The following ABR variants were observed in gnomAD, a reference collection of about 807,000 sequenced individuals.
The protein encoded by ABR is active breakpoint cluster region-related protein.
ABR carries 35 observed loss-of-function variants against 107.2 expected under a neutral mutation model. The observed-to-expected ratio is 0.33, with a 90% CI of 0.25 to 0.43. The LOEUF is 0.43. ABR is among the 20% of genes least tolerant of loss of function. The probability of loss-of-function intolerance (pLI) is 1.00; values close to 1 mark genes in which losing one functional copy is unlikely to be tolerated. For synonymous variants in ABR, 498 were observed against 462.0 expected, an observed-to-expected ratio of 1.08 and a Z score of -1.00; for missense variants, 815 against 1,115.2, an observed-to-expected ratio of 0.73 and a Z score of 3.83.
At chr17:1,091,582 C>T (rs1040286704) in intron 4 of ABR, 83 bp downstream of exon 4, 8 of 1,485,420 alleles carry the variant, frequency 5.4e-6, no homozygotes, top group African/African-American at 1.4e-5. Context: ...GAGAGGGCTG[C>T]CCGGTCCTCT....
intron 16 of ABR, among the ~76,000 whole-genome samples, chr17:1,014,556 A>T (rs996896564): frequency 6.6e-6 from 1 of 151,802 alleles, no homozygotes; most frequent in African/African-American, 2.4e-5. Flanking sequence ...TTAAGAAAAC[A>T]GGCCAGGCAC....
rs372374682 is a variant in ABR at position 1,146,189 on chromosome 17, C to T, written c.62-20822G>A. Among the ~76,000 whole-genome samples the T allele has an allele frequency of 2.8e-3, 423 of 151,748 alleles. 3 individuals carry two copies. Among genetic ancestry groups the T allele is most frequent in the Admixed American group, 4.7e-3 (72 of 15,226 alleles). On this transcript the variant is annotated intron_variant, in intron 1 of 22. Coordinates refer to ENST00000302538, the MANE Select transcript of ABR (RefSeq NM_021962.5). ...CCAGAGTGGTGCAAAGCTAGGTGTG[C>T]GCGGAGCTGGGGAAGGGCAAAAGCC...
rs57412625 is a variant in ABR, at chr17:1,079,788, C to CAAAAAAAA, written c.640-406_640-399dup. On this transcript the variant is annotated intron_variant, in intron 5 of 22. Transcript: ENST00000302538. ...TGGGCAACAGGGCGAGACTCTGTCT[C>CAAAAAAAA]AAAAAAAAAAAAAAAAAAAAAAAAA... 7.6e-4 allele frequency among the ~76,000 whole-genome samples: 42 copies of CAAAAAAAA among 55,114 alleles called. 1 individual carries two copies. Among genetic ancestry groups the CAAAAAAAA allele is most frequent in the South Asian group, 3.5e-3 (3 of 866 alleles). 36.2% of individuals were successfully genotyped at this position (55,114 alleles called of 152,430 possible). A position where few individuals can be genotyped will look rare whatever the true frequency, so the allele number is the denominator to read the frequency against.
At chr17:1,031,560 AGCCCC>A in intron 16 of ABR, 1 of 123,156 alleles carries the variant, frequency 8.1e-6, no homozygotes, top group Non-Finnish European at 1.1e-5. Flanking sequence ...AGCGCCCCCG[AGCCCC>A]CACCCCCCGG....
At position 1,051,284 on chromosome 17, in the gene ABR, C is replaced by A. The variant is rs1010859088; in HGVS notation, c.1562-650G>T. Among the ~76,000 whole-genome samples, 1 of 152,240 alleles carries A rather than the reference C, an allele frequency of 6.6e-6. No homozygotes were observed. Among genetic ancestry groups the A allele is most frequent in the Non-Finnish European group, 1.5e-5 (1 of 68,038 alleles). Reference sequence around the variant, plus strand: ...TCTCTCTCCCCCCACGACGTAAACACCATGTGGAGAGAAGCCTGGGTTTTC... The same window carrying A: ...TCTCTCTCCCCCCACGACGTAAACAACATGTGGAGAGAAGCCTGGGTTTTC... On this transcript the variant is annotated intron_variant, in intron 14 of 22. Coordinates refer to ENST00000302538, the MANE Select transcript of ABR (RefSeq NM_021962.5). This position sits in a 1 kb window ranked among gnomAD's most constrained non-coding sequence, Gnocchi z 4.3.
intron 16 of ABR, among the ~76,000 whole-genome samples, chr17:1,034,617 G>C (rs1275559078): frequency 6.6e-6 from 1 of 152,130 alleles, no homozygotes; most frequent in Non-Finnish European, 1.5e-5. Context: ...TGTAGGGAAA[G>C]GCCATCCACC....
chr17:1,113,288 T>G (rs1261450293), intron 2 of ABR, among the ~76,000 whole-genome samples: 3 of 140,742 alleles, frequency 2.1e-5, no homozygotes, highest in African/African-American at 7.9e-5. Flanking sequence ...ATTTTTTTTT[T>G]TTTTTTTTTT....
chr17:1,125,450 G>C, intron 1 of ABR, 83 bp from the exon 2 acceptor site: 1 of 1,511,688 alleles, frequency 6.6e-7, no homozygotes, highest in Non-Finnish European at 9.1e-7. Context: ...GCCGGCGGCG[G>C]CCCCCGGCAG....
At chr17:1,100,577 A>G (rs2037795864) in intron 3 of ABR, 60 bp downstream of exon 3, 2 of 1,513,964 alleles carry the variant, frequency 1.3e-6, no homozygotes, top group Non-Finnish European at 1.8e-6. Context: ...GCTTCAGAGC[A>G]TGACATCACC....
At chr17:1,106,410 T>C (rs2038248830) in intron 2 of ABR, among the ~76,000 whole-genome samples, 2 of 132,294 alleles carry the variant, frequency 1.5e-5, no homozygotes, top group Non-Finnish European at 3.2e-5. Context: ...CATCCAGAAA[T>C]GACCCTTGGC....
In ABR at chr17:1,199,410, G is replaced by T. The variant is rs139602764; in HGVS notation, c.838+29383C>A. ...AGGCTGTTGGGGTTTTTGTTTTCTGGTTTTTTTGAAACAGGATCTTGCTCT... is the reference window on the plus strand; with the variant it reads ...AGGCTGTTGGGGTTTTTGTTTTCTGTTTTTTTTGAAACAGGATCTTGCTCT... On this transcript the variant is annotated intron_variant, in intron 1 of 22. Coordinates refer to the ABR transcript ENST00000574139. Among the ~76,000 whole-genome samples, 73 of 151,080 alleles carry T rather than the reference G, an allele frequency of 4.8e-4. 3 individuals carry two copies. Among genetic ancestry groups the T allele is most frequent in the African/African-American group, 1.7e-3 (68 of 40,662 alleles).
In ABR at chr17:1,153,411, TGGGGGTCC is replaced by T. The variant is rs1597990777; in HGVS notation, c.61+26248_61+26255del. Among the ~76,000 whole-genome samples, 74 of 148,560 alleles carry T rather than the reference TGGGGGTCC, an allele frequency of 5.0e-4. No individual in the cohort carries two copies. The East Asian group carries it at 0.013, about 27-fold the overall frequency. The stretch of plus-strand genomic sequence containing the variant: ...GATCCAGGCACACCTGCGGGAGGGC[TGGGGGTCC>T]AGGCACACCTGCGGGAGGGCTGGGG... On this transcript the variant is annotated intron_variant, in intron 1 of 22. Coordinates refer to ENST00000302538, the MANE Select transcript of ABR (RefSeq NM_021962.5).
rs1567560360 is a variant in ABR at position 1,010,543 on chromosome 17, A to G, written c.2236+186T>C. Reference sequence around the variant, plus strand: ...GCAAGAGGCAGGCGAGAAAGGGCCCAGTGTCTGCACCAGGTCCCAGCAGGC... The same window carrying G: ...GCAAGAGGCAGGCGAGAAAGGGCCCGGTGTCTGCACCAGGTCCCAGCAGGC... On this transcript the variant is annotated intron_variant, in intron 20 of 22. Coordinates refer to ENST00000302538, the MANE Select transcript of ABR (RefSeq NM_021962.5). This position sits in a 1 kb window ranked among gnomAD's most constrained non-coding sequence, Gnocchi z 4.1. The G allele has an allele frequency of 1.4e-5, 10 of 714,482 alleles. No homozygotes were observed. Among genetic ancestry groups the G allele is most frequent in the Non-Finnish European group, 2.0e-5 (9 of 443,146 alleles). The allele number at this position is 714,482 out of a possible 1,614,324, so 44.3% of individuals were successfully genotyped here. A position where few individuals can be genotyped will look rare whatever the true frequency, so the allele number is the denominator to read the frequency against.
At chr17:1,217,779 C>G (rs1280128269) in intron 1 of ABR, among the ~76,000 whole-genome samples, 1 of 152,198 alleles carries the variant, frequency 6.6e-6, no homozygotes, top group Non-Finnish European at 1.5e-5. Flanking sequence ...ACTGCAACCT[C>G]CACCTCCCAG....
chr17:1,066,592 G>A (rs990400379), intron 10 of ABR, among the ~76,000 whole-genome samples: 13 of 151,472 alleles, frequency 8.6e-5, no homozygotes, highest in African/African-American at 3.2e-4. Flanking sequence ...GCATTGGCAT[G>A]TTCTTGGCTC....
At chr17:1,222,691 C>T (rs1225879050) in intron 1 of ABR, among the ~76,000 whole-genome samples, 1 of 152,146 alleles carries the variant, frequency 6.6e-6, no homozygotes, top group Non-Finnish European at 1.5e-5. Context: ...GAGCGAGGAT[C>T]ACTTGAGCCC....
intron 2 of ABR, among the ~76,000 whole-genome samples, chr17:1,106,190 G>GT (rs569213048): frequency 6.6e-6 from 1 of 151,830 alleles, no homozygotes; most frequent in African/African-American, 2.4e-5. Flanking sequence ...CTTTACCTCT[G>GT]CCCCCCAGGA....
rs1416563541 is a variant in ABR, at chr17:1,113,277, G to GGTTTTTTTTT, written c.246+11905_246+11906insAAAAAAAAAC. On this transcript the variant is annotated intron_variant, in intron 2 of 22. Transcript: ENST00000302538. ...GGGATAACATGGAAACACCTATTGCGATTTTTTTTTTTTTTTTTTTTTTTT... is the reference window on the plus strand; with the variant it reads ...GGGATAACATGGAAACACCTATTGCGGTTTTTTTTTATTTTTTTTTTTTTTTTTTTTTTTT... 7.9e-5 allele frequency among the ~76,000 whole-genome samples: 7 copies of GGTTTTTTTTT among 88,172 alleles called. 1 individual carries two copies. The highest frequency in any genetic ancestry group is 5.1e-5 in the African/African-American group (1 of 19,730). The allele number at this position is 88,172 out of a possible 152,430, so 57.8% of individuals were successfully genotyped here. A position where few individuals can be genotyped will look rare whatever the true frequency, so the allele number is the denominator to read the frequency against.
chr17:1,088,936 T>C (rs1242186557), intron 4 of ABR, among the ~76,000 whole-genome samples: 1 of 128,474 alleles, frequency 7.8e-6, no homozygotes, highest in Non-Finnish European at 1.6e-5. Context: ...CAGTCTGTCA[T>C]CCAGGCTGGA....
Sources: allele counts gnomAD v4.1 joint callset (sites outside exome capture counted in the v4.1 genomes callset), GRCh38; gene constraint gnomAD v4.1.1; non-coding constraint Gnocchi (gnomAD v3.1); transcripts MANE v1.5; gene names NCBI Gene and HGNC (gene_info 2026-07-23, HGNC 2026-07-21).